The following UPP2 variants were observed in gnomAD, a reference collection of about 807,000 sequenced individuals.
UPP2 encodes the protein uridine phosphorylase 2.
In UPP2, 23 loss-of-function variants were observed where a neutral mutation model predicts 26.7. The observed-to-expected ratio is 0.86, with a 90% confidence interval of 0.62 to 1.22. UPP2 has a LOEUF of 1.22. UPP2 is among the 50% of genes most tolerant of loss of function. UPP2 has a pLI of 0.00. For missense variants in UPP2, 387 were observed against 396.7 expected, an observed-to-expected ratio of 0.98 and a Z score of 0.21; for synonymous variants, 127 against 141.3, an observed-to-expected ratio of 0.90 and a Z score of 0.72.
intron 3 of UPP2, among the ~76,000 whole-genome samples, chr2:158,068,765 AATATATATATATATATATAT>A (rs1170494924): frequency 8.5e-4 from 27 of 31,700 alleles, no homozygotes; most frequent in Middle Eastern, 0.028. Flanking sequence ...TTCAAATTCA[AATATATATATATATATATAT>A]ATATATATAT....
chr2:158,074,657 G>A (rs569169463), intron 3 of UPP2, among the ~76,000 whole-genome samples: 1 of 142,866 alleles, frequency 7.0e-6, no homozygotes, highest in Non-Finnish European at 1.5e-5. Context: ...AAGAAAGACA[G>A]GAAGGAAGGA....
At chr2:158,026,117 A>G (rs1346231351) in intron 3 of UPP2, among the ~76,000 whole-genome samples, 1 of 152,080 alleles carries the variant, frequency 6.6e-6, no homozygotes, top group East Asian at 1.9e-4. Context: ...AATGGTGGGA[A>G]GGGAAAGCTC....
intron 3 of UPP2, among the ~76,000 whole-genome samples, chr2:158,084,516 T>A (rs1682781649): frequency 6.6e-6 from 1 of 152,202 alleles, no homozygotes; most frequent in African/African-American, 2.4e-5. Flanking sequence ...CATCTATTTA[T>A]CTTTGTTTAT....
At chr2:158,087,694 G>T (rs1020483012) in intron 3 of UPP2, among the ~76,000 whole-genome samples, 72 of 152,156 alleles carry the variant, frequency 4.7e-4, no homozygotes, top group African/African-American at 1.6e-3. Context: ...GCTTGGGAGT[G>T]GCAAATTCTC....
At chr2:158,057,855 T>C (rs1439397842) in intron 3 of UPP2, among the ~76,000 whole-genome samples, 3 of 152,146 alleles carry the variant, frequency 2.0e-5, no homozygotes, top group Non-Finnish European at 2.9e-5. Context: ...ATGAACTGAA[T>C]TGTGTCCTCC....
chr2:158,087,328 C>T (rs1682833358), intron 3 of UPP2, among the ~76,000 whole-genome samples: 1 of 152,090 alleles, frequency 6.6e-6, no homozygotes, highest in Non-Finnish European at 1.5e-5. Context: ...TTTTGATGCT[C>T]ATTTGCATGG....
chr2:158,073,264 A>T (rs1471158950), intron 3 of UPP2, among the ~76,000 whole-genome samples: 1 of 152,092 alleles, frequency 6.6e-6, no homozygotes, highest in Non-Finnish European at 1.5e-5. Context: ...GCTTGAAGAC[A>T]GGCTGTTTGA....
chr2:158,095,175 T>A (rs961938096), intron 3 of UPP2, among the ~76,000 whole-genome samples: 1 of 152,160 alleles, frequency 6.6e-6, no homozygotes, highest in African/African-American at 2.4e-5. Flanking sequence ...GAGCCTGAGA[T>A]GAGTTAATCG....
chr2:158,090,599 T>A (rs1049505133), intron 3 of UPP2, among the ~76,000 whole-genome samples: 12 of 152,328 alleles, frequency 7.9e-5, no homozygotes, highest in African/African-American at 2.4e-4. Context: ...AAAATAAATT[T>A]AAAAAAATTT....
rs1282083242 is a variant in UPP2, at chr2:158,117,936, T to C, written c.452T>C (p.Ile151Thr). 2 of 1,604,582 alleles carry C rather than the reference T, an allele frequency of 1.2e-6. No individual in the cohort carries two copies. The highest frequency in any genetic ancestry group is 1.3e-5 in the African/African-American group (1 of 74,740). ...TIIRIGTSGG[I>T]GIAPGTVVIT... ...ATTAGAATCGGTACATCAGGGGGAA[T>C]AGGTGAGACGGATTGATGTCTACTA... Residue 151 changes from isoleucine (I) to threonine (T), a missense_variant and splice_region_variant, in exon 4 of 7, where the codon ATA becomes ACA. Physicochemically the swap from Ile to Thr is moderately conservative, Grantham distance 89. Transcript: ENST00000005756.
intron 4 of UPP2, among the ~76,000 whole-genome samples, chr2:158,119,926 G>T (rs2105226106): frequency 6.6e-6 from 1 of 151,408 alleles, no homozygotes; most frequent in Non-Finnish European, 1.5e-5. Context: ...CAGGAGAATT[G>T]CTTGAACCCT....
intron 3 of UPP2, among the ~76,000 whole-genome samples, chr2:158,066,218 G>C (rs1348339694): frequency 6.6e-6 from 1 of 152,194 alleles, no homozygotes; most frequent in Non-Finnish European, 1.5e-5. Context: ...CCACAAGCTA[G>C]ACAGATTTGG....
intron 3 of UPP2, among the ~76,000 whole-genome samples, chr2:158,020,442 A>C (rs1683731741): frequency 1.3e-5 from 2 of 152,226 alleles, no homozygotes; most frequent in Admixed American, 1.3e-4. Flanking sequence ...TCAAGTCCAG[A>C]GACTGGACGG....
chr2:158,070,553 C>G (rs888136266), intron 3 of UPP2, among the ~76,000 whole-genome samples: 1 of 152,256 alleles, frequency 6.6e-6, no homozygotes, highest in African/African-American at 2.4e-5. Flanking sequence ...TCTTTCCTCT[C>G]TGCCATGCTG....
At chr2:158,089,680 G>A (rs1259069833) in intron 3 of UPP2, among the ~76,000 whole-genome samples, 1 of 152,188 alleles carries the variant, frequency 6.6e-6, no homozygotes, top group Non-Finnish European at 1.5e-5. Context: ...GGCTCTTCTC[G>A]CTGCTGCTTC....
At chr2:158,102,467 G>A (rs915298030) in intron 1 of UPP2, among the ~76,000 whole-genome samples, 1 of 152,120 alleles carries the variant, frequency 6.6e-6, no homozygotes, top group African/African-American at 2.4e-5. Context: ...CTAAGACCAT[G>A]GGCTGCAAAT....
chr2:158,109,007 C>G (rs565155175), intron 2 of UPP2, among the ~76,000 whole-genome samples: 1 of 150,866 alleles, frequency 6.6e-6, no homozygotes, highest in African/African-American at 2.4e-5. Flanking sequence ...AGAATTTTTT[C>G]AAGGCAGCGT....
chr2:158,011,640 T>A, intron 2 of UPP2, among the ~76,000 whole-genome samples: 1 of 142,386 alleles, frequency 7.0e-6, no homozygotes, highest in East Asian at 2.4e-4. Flanking sequence ...TGTGAAAAGA[T>A]CAAGTTTTCA....
chr2:158,120,475 C>T (rs1342079434), intron 4 of UPP2, among the ~76,000 whole-genome samples: 1 of 151,972 alleles, frequency 6.6e-6, no homozygotes, highest in Non-Finnish European at 1.5e-5. Context: ...GTGGCAGGCA[C>T]AGAGCTAGAC....
Sources: allele counts gnomAD v4.1 joint callset (sites outside exome capture counted in the v4.1 genomes callset), GRCh38; gene constraint gnomAD v4.1.1; transcripts MANE v1.5; gene names NCBI Gene and HGNC (gene_info 2026-07-23, HGNC 2026-07-21).